The following SHISA9 variants were observed in gnomAD, a reference collection of about 807,000 sequenced individuals.
SHISA9 encodes the protein protein shisa-9.
A neutral mutation model predicts 38.0 loss-of-function variants in SHISA9; 13 were observed. The observed-to-expected ratio is 0.34, with a 90% CI of 0.22 to 0.54. SHISA9 has a LOEUF of 0.54. Ranked by LOEUF, SHISA9 falls within the 20% of genes least tolerant of loss-of-function variation. The pLI is 0.91. For synonymous variants in SHISA9, 275 were observed against 242.0 expected, an observed-to-expected ratio of 1.14 and a Z score of -1.27; for missense variants, 538 against 575.8, an observed-to-expected ratio of 0.93 and a Z score of 0.67.
At chr16:13,469,413 GAAAGAA>G in the SHISA9 span, among the ~76,000 whole-genome samples, 2 of 113,592 alleles carry the variant, frequency 1.8e-5, no homozygotes, top group African/African-American at 6.9e-5. Context: ...AAGAAAGAAA[GAAAGAA>G]AGAAAAAGAA....
the SHISA9 span, among the ~76,000 whole-genome samples, chr16:13,492,090 A>G: frequency 2.0e-5 from 3 of 151,860 alleles, no homozygotes; most frequent in African/African-American, 7.3e-5. Flanking sequence ...TGCACCAAGA[A>G]GGAAGAACAA....
chr16:13,524,163 C>G, the SHISA9 span, among the ~76,000 whole-genome samples: 1 of 152,106 alleles, frequency 6.6e-6, no homozygotes, highest in Admixed American at 6.5e-5. Flanking sequence ...AAGGTGGAAT[C>G]TTAGCATCCA....
At chr16:13,280,704 T>C in the SHISA9 span, among the ~76,000 whole-genome samples, 1 of 151,842 alleles carries the variant, frequency 6.6e-6, no homozygotes, top group Non-Finnish European at 1.5e-5. Flanking sequence ...CTTAGATATC[T>C]ACATGCAATG....
intron 1 of SHISA9, among the ~76,000 whole-genome samples, chr16:12,907,650 C>T (rs569025248): frequency 5.1e-4 from 78 of 152,276 alleles, no homozygotes; most frequent in African/African-American, 1.8e-3. Flanking sequence ...CATCGGGACC[C>T]AGCTCATTGT....
intron 2 of SHISA9, among the ~76,000 whole-genome samples, chr16:13,096,711 C>T (rs1266163178): frequency 6.6e-6 from 1 of 152,108 alleles, no homozygotes; most frequent in African/African-American, 2.4e-5. Context: ...TTCATTGAAC[C>T]TTTATTAGAT....
intron 2 of SHISA9, among the ~76,000 whole-genome samples, chr16:13,145,311 G>A (rs1455138519): frequency 6.6e-6 from 1 of 152,170 alleles, no homozygotes; most frequent in Non-Finnish European, 1.5e-5. Flanking sequence ...GATCAGTTCA[G>A]GTCAGGAGTT....
chr16:13,116,874 T>G lies in SHISA9; in HGVS notation c.692-86520T>G, dbSNP rs908188707. 2.1e-4 allele frequency among the ~76,000 whole-genome samples: 32 copies of G among 152,322 alleles called. 1 individual carries two copies. The highest frequency in any genetic ancestry group is 7.3e-5 in the Non-Finnish European group (5 of 68,030). On this transcript the variant is annotated intron_variant, in intron 2 of 4. Coordinates refer to ENST00000558583, the MANE Select transcript of SHISA9 (RefSeq NM_001145204.3). ...CCATGTGATAAATGCATTACACTTA[T>G]TAATATAGGTTAGGGCCTTTACATA...
the SHISA9 span, among the ~76,000 whole-genome samples, chr16:13,466,214 T>G: frequency 1.3e-5 from 2 of 152,216 alleles, no homozygotes; most frequent in Non-Finnish European, 2.9e-5. Context: ...GAGTTAAGAC[T>G]GCCACGCGGC....
chr16:12,926,318 G>T (rs1434685425), intron 2 of SHISA9, among the ~76,000 whole-genome samples: 1 of 151,686 alleles, frequency 6.6e-6, no homozygotes, highest in Non-Finnish European at 1.5e-5. Flanking sequence ...GCTGAGAATT[G>T]CAGTATTAGA....
chr16:12,992,849 C>T (rs1596569877), intron 2 of SHISA9, among the ~76,000 whole-genome samples: 1 of 152,318 alleles, frequency 6.6e-6, no homozygotes, highest in African/African-American at 2.4e-5. Flanking sequence ...TGTACTAGGC[C>T]ATGACTGAGC....
intron 4 of SHISA9, among the ~76,000 whole-genome samples, chr16:13,217,765 C>G (rs1010913998): frequency 6.6e-6 from 1 of 152,170 alleles, no homozygotes; most frequent in African/African-American, 2.4e-5. Flanking sequence ...CGTGGTGGCT[C>G]ATGCCTGTAA....
intron 2 of SHISA9, among the ~76,000 whole-genome samples, chr16:13,024,926 G>A (rs1410622110): frequency 1.3e-5 from 2 of 152,154 alleles, no homozygotes; most frequent in African/African-American, 2.4e-5. Flanking sequence ...TCTGTCAAAT[G>A]CAAGTGTGAA....
chr16:13,085,652 A>C (rs1490523613), intron 2 of SHISA9, among the ~76,000 whole-genome samples: 1 of 152,198 alleles, frequency 6.6e-6, no homozygotes. Flanking sequence ...GTGTAGGTGC[A>C]CCGCCTGGGT....
chr16:13,037,262 G>A (rs1017309471), intron 2 of SHISA9, among the ~76,000 whole-genome samples: 6 of 152,114 alleles, frequency 3.9e-5, no homozygotes, highest in East Asian at 1.9e-4. Flanking sequence ...GCAGGCAAGC[G>A]GGTGTAAGTG....
chr16:13,126,201 A>T (rs1235229958), intron 2 of SHISA9, among the ~76,000 whole-genome samples: 1 of 152,182 alleles, frequency 6.6e-6, no homozygotes, highest in Admixed American at 6.5e-5. Flanking sequence ...AGGGATGCAG[A>T]GGCTGCCTGA....
At chr16:13,215,091 G>A (rs1277153885) in intron 4 of SHISA9, among the ~76,000 whole-genome samples, 1 of 152,158 alleles carries the variant, frequency 6.6e-6, no homozygotes, top group African/African-American at 2.4e-5. Flanking sequence ...GTAGAGGATG[G>A]AGAGAAGAAA....
the SHISA9 span, among the ~76,000 whole-genome samples, chr16:13,309,864 A>T: frequency 6.6e-6 from 1 of 151,836 alleles, no homozygotes; most frequent in Non-Finnish European, 1.5e-5. Flanking sequence ...TATTTTATTT[A>T]TTTATTTACT....
At chr16:12,994,850 T>A (rs909740832) in intron 2 of SHISA9, among the ~76,000 whole-genome samples, 1 of 152,128 alleles carries the variant, frequency 6.6e-6, no homozygotes, top group Non-Finnish European at 1.5e-5. Flanking sequence ...TTACTATGAT[T>A]AAGAAGACCA....
chr16:13,138,957 C>A (rs1200568191), intron 2 of SHISA9, among the ~76,000 whole-genome samples: 1 of 152,078 alleles, frequency 6.6e-6, no homozygotes, highest in Non-Finnish European at 1.5e-5. Context: ...TATTAGGACA[C>A]CCTGAAGCAT....
Sources: allele counts gnomAD v4.1 joint callset (sites outside exome capture counted in the v4.1 genomes callset), GRCh38; gene constraint gnomAD v4.1.1; transcripts MANE v1.5; gene names NCBI Gene and HGNC (gene_info 2026-07-23, HGNC 2026-07-21).